Variants in ANAPC4 observed in about 807,000 individuals in gnomAD.
ANAPC4 encodes the protein anaphase promoting complex subunit 4, also known as anaphase-promoting complex subunit 4.
ANAPC4 carries 63 observed loss-of-function variants against 119.8 expected under a neutral mutation model. The observed-to-expected ratio is 0.53, with a 90% CI of 0.43 to 0.65. ANAPC4 has a LOEUF of 0.65. Ranked by LOEUF, ANAPC4 falls within the 30% of genes least tolerant of loss-of-function variation. ANAPC4 has a pLI of 0.00. For synonymous variants in ANAPC4, 283 were observed against 318.6 expected (o/e 0.89, Z 1.19); for missense variants, 716 against 945.1 (o/e 0.76, Z 3.18).
In ANAPC4 at chr4:25,394,032, A is replaced by T. The variant is rs1454044187; in HGVS notation, c.876+141A>T. 3 of 757,514 alleles carry T rather than the reference A, an allele frequency of 4.0e-6. No individual in the cohort carries two copies. In the East Asian group the frequency reaches 8.7e-5, roughly 22 times the overall value. 46.9% of individuals were successfully genotyped at this position (757,514 alleles called of 1,614,324 possible). A position where few individuals can be genotyped will look rare whatever the true frequency, so the allele number is the denominator to read the frequency against. ...TTTCAAATGGCTTCGTCTGACTTCA[A>T]ACTGCTTCCTCAGATTTGCCAAAAG... On this transcript the variant is annotated intron_variant, in intron 11 of 28. Coordinates refer to ENST00000315368, the MANE Select transcript of ANAPC4 (RefSeq NM_013367.3).
intron 10 of ANAPC4, among the ~76,000 whole-genome samples, chr4:25,393,081 G>A (rs777275453): frequency 1.3e-5 from 2 of 152,132 alleles, no homozygotes; most frequent in Admixed American, 1.3e-4. Flanking sequence ...GACTGGAGGG[G>A]CTACAAAAGA....
chr4:25,400,645 G>A (rs181880908), intron 16 of ANAPC4, among the ~76,000 whole-genome samples: 71 of 152,280 alleles, frequency 4.7e-4, no homozygotes, highest in Non-Finnish European at 7.5e-4. Flanking sequence ...CACAGAGCAG[G>A]GGAGCAGTTA....
At chr4:25,377,578 C>T in intron 2 of ANAPC4, 22 bp downstream of exon 2, 1 of 1,591,436 alleles carries the variant, frequency 6.3e-7, no homozygotes, top group Non-Finnish European at 8.5e-7. Flanking sequence ...GGCGGGAGCC[C>T]GCCTGTGCTG....
intron 27 of ANAPC4, 68 bp downstream of exon 27, chr4:25,416,666 A>C (rs1577404936): frequency 2.4e-6 from 3 of 1,266,608 alleles, no homozygotes; most frequent in African/African-American, 3.0e-5. Context: ...ATAAATTCCA[A>C]CCTTTTAGGT....
At chr4:25,393,468 C>T (rs914508855) in intron 10 of ANAPC4, among the ~76,000 whole-genome samples, 15 of 152,072 alleles carry the variant, frequency 9.9e-5, no homozygotes, top group East Asian at 7.7e-4. Context: ...TCGAGACCAG[C>T]CTGGCCAACA....
At chr4:25,401,475 C>T (rs905685282) in intron 16 of ANAPC4, among the ~76,000 whole-genome samples, 2 of 152,134 alleles carry the variant, frequency 1.3e-5, no homozygotes, top group Non-Finnish European at 2.9e-5. Context: ...ACGTATTGAC[C>T]ACTCTGTGTT....
Position 25,406,831 on chromosome 4 carries a change from G to A in ANAPC4, c.1320G>A (p.Met440Ile). 6.3e-7 allele frequency: 1 copy of A among 1,598,030 alleles called. No homozygotes were observed. ...CTTTTTGTTCCTTTTGTTGATAGAT[G>A]ACTCAGAAAGATATCACATTTGTTG... ...EDHVLPELNK[M>I]TQKDITFVAE... Residue 440 changes from methionine (M) to isoleucine (I), a missense_variant and splice_region_variant, in exon 19 of 29, where the codon ATG becomes ATA. Physicochemically the swap from Met to Ile is conservative, Grantham distance 10. Coordinates refer to ENST00000315368, the MANE Select transcript of ANAPC4 (RefSeq NM_013367.3).
chr4:25,398,148 CTT>C (rs938315863), intron 16 of ANAPC4, among the ~76,000 whole-genome samples: 1 of 152,124 alleles, frequency 6.6e-6, no homozygotes, highest in African/African-American at 2.4e-5. Context: ...ATTTCTGTGT[CTT>C]TTCTTTTTCT....
chr4:25,417,562 T>A, intron 27 of ANAPC4, 54 bp from the exon 28 acceptor site: 1 of 1,515,206 alleles, frequency 6.6e-7, no homozygotes, highest in Non-Finnish European at 8.8e-7. Context: ...GTAGTAAAAC[T>A]AGGGAGGATA....
At chr4:25,408,622 C>T (rs548599766) in intron 20 of ANAPC4, among the ~76,000 whole-genome samples, 5 of 151,774 alleles carry the variant, frequency 3.3e-5, no homozygotes, top group African/African-American at 9.7e-5. Context: ...CTCTCGGACT[C>T]GCCTCTTGTA....
intron 20 of ANAPC4, among the ~76,000 whole-genome samples, chr4:25,408,715 T>C (rs183033902): frequency 1.3e-5 from 2 of 152,034 alleles, no homozygotes; most frequent in African/African-American, 4.8e-5. Flanking sequence ...CCCAGGCTGG[T>C]CTTGAGCTCC....
intron 26 of ANAPC4, 63 bp downstream of exon 26, chr4:25,415,603 A>G: frequency 7.0e-7 from 1 of 1,432,578 alleles, no homozygotes; most frequent in South Asian, 1.2e-5. Context: ...ATGTTTAGGA[A>G]TAGGATCAGA....
At chr4:25,408,662 C>T (rs768195438) in intron 20 of ANAPC4, among the ~76,000 whole-genome samples, 2 of 151,930 alleles carry the variant, frequency 1.3e-5, no homozygotes, top group Non-Finnish European at 2.9e-5. Flanking sequence ...ACCACCATGC[C>T]TGGCTAATTT....
Position 25,417,738 on chromosome 4 carries a change from TGG to T in ANAPC4, c.2199_2199+1del. 1 of 1,607,758 alleles carries T rather than the reference TGG, an allele frequency of 6.2e-7. No homozygotes were observed. Among genetic ancestry groups the T allele is most frequent in the Non-Finnish European group, 8.5e-7 (1 of 1,178,000 alleles). On this transcript the variant is annotated splice_donor_variant and coding_sequence_variant, in exon 28 of 29. Transcript: ENST00000315368. LOFTEE classifies it high-confidence loss of function. Reference sequence around the variant, plus strand: ...AATGGTTTTCGAAAAGTGTCCTGTGTGGTAAGTGTTTAGAGATCGTTCAGCAA... The same window carrying T: ...AATGGTTTTCGAAAAGTGTCCTGTGTTAAGTGTTTAGAGATCGTTCAGCAA...
At chr4:25,400,417 C>T (rs1031447873) in intron 16 of ANAPC4, among the ~76,000 whole-genome samples, 11 of 152,210 alleles carry the variant, frequency 7.2e-5, no homozygotes, top group South Asian at 2.1e-4. Flanking sequence ...AGATAGGGGA[C>T]GTTCCCTTCA....
At chr4:25,391,075 G>T in intron 9 of ANAPC4, 60 bp downstream of exon 9, 1 of 1,280,598 alleles carries the variant, frequency 7.8e-7, no homozygotes, top group South Asian at 1.3e-5. Flanking sequence ...GTTTTATATA[G>T]GTTTTTATCC....
rs561504265 is a variant in ANAPC4, at chr4:25,382,293, T to G, written c.236-968T>G. 4.6e-5 allele frequency among the ~76,000 whole-genome samples: 7 copies of G among 152,348 alleles called. No individual in the cohort carries two copies. In the East Asian group the frequency reaches 7.7e-4, roughly 17 times the overall value. ...TTGATAAGCAATGCTGTGTAAACAT[T>G]CTGAACACTGGGAAGAACTTTGCCA... On this transcript the variant is annotated intron_variant, in intron 3 of 28. Coordinates refer to ENST00000315368, the MANE Select transcript of ANAPC4 (RefSeq NM_013367.3).
intron 14 of ANAPC4, 109 bp from the exon 15 acceptor site, chr4:25,396,555 A>C: frequency 1.2e-6 from 1 of 839,284 alleles, no homozygotes; most frequent in Non-Finnish European, 1.9e-6. Flanking sequence ...CATGGAAACA[A>C]AATGAAAGTT....
In ANAPC4 at chr4:25,413,605, A is replaced by G. The variant is rs1577401403; in HGVS notation, c.1526-40A>G. On this transcript the variant is annotated intron_variant, in intron 21 of 28. Coordinates refer to ENST00000315368, the MANE Select transcript of ANAPC4 (RefSeq NM_013367.3). ...TTTCTTCTAATTATAAGTTTGCTAT[A>G]GCTTCTTTTATTTTTGTTTCTGTTT... 3.4e-6 allele frequency: 5 copies of G among 1,485,152 alleles called. No individual in the cohort carries two copies. In the East Asian group the frequency reaches 1.1e-4, roughly 34 times the overall value. 92.0% of individuals were successfully genotyped at this position (1,485,152 alleles called of 1,614,324 possible). A position where few individuals can be genotyped will look rare whatever the true frequency, so the allele number is the denominator to read the frequency against.
Sources: allele counts gnomAD v4.1 joint callset (sites outside exome capture counted in the v4.1 genomes callset), GRCh38; gene constraint gnomAD v4.1.1; transcripts MANE v1.5; gene names NCBI Gene and HGNC (gene_info 2026-07-23, HGNC 2026-07-21).